Variants in C1orf87 observed in about 807,000 individuals in gnomAD.
The protein encoded by C1orf87 is uncharacterized protein C1orf87.
In C1orf87, 58 loss-of-function variants were observed where a neutral mutation model predicts 60.5. That is an observed-to-expected ratio of 0.96 (90% CI 0.78 to 1.19). The LOEUF is 1.19. C1orf87 is among the 50% of genes most tolerant of loss of function. C1orf87 has a pLI of 0.00. For missense variants in C1orf87, 673 were observed against 638.6 expected (o/e 1.05, Z -0.58); for synonymous variants, 236 against 227.4 (o/e 1.04, Z -0.34).
At chr1:60,003,795 TAA>T (rs1310510299) in intron 9 of C1orf87, among the ~76,000 whole-genome samples, 3 of 152,018 alleles carry the variant, frequency 2.0e-5, no homozygotes, top group Admixed American at 6.6e-5. Context: ...GTTTGAAAAA[TAA>T]AGTCACTAGA....
At chr1:60,032,432 G>GTTTTTTTTTTT (rs11376932) in intron 7 of C1orf87, among the ~76,000 whole-genome samples, 3 of 88,556 alleles carry the variant, frequency 3.4e-5, no homozygotes, top group Non-Finnish European at 6.2e-5. Context: ...TGAGACTCAG[G>GTTTTTTTTTTT]TTTTTTTTTT....
At chr1:60,035,095 A>C (rs538590886) in intron 6 of C1orf87, among the ~76,000 whole-genome samples, 1 of 152,308 alleles carries the variant, frequency 6.6e-6, no homozygotes, top group African/African-American at 2.4e-5. Context: ...TCACCTGTCC[A>C]GGGAGTTCCC....
At chr1:60,018,813 T>C (rs922966403) in intron 8 of C1orf87, among the ~76,000 whole-genome samples, 7 of 152,236 alleles carry the variant, frequency 4.6e-5, no homozygotes. Flanking sequence ...CATATGTTCA[T>C]CGATTGATGT....
At chr1:60,013,456 C>T (rs1244427574) in intron 8 of C1orf87, among the ~76,000 whole-genome samples, 1 of 151,934 alleles carries the variant, frequency 6.6e-6, no homozygotes, top group East Asian at 1.9e-4. Flanking sequence ...CTAGTTTCTT[C>T]TGTTCATGTT....
At chr1:60,070,006 C>T (rs764908867) in intron 2 of C1orf87, among the ~76,000 whole-genome samples, 4 of 152,154 alleles carry the variant, frequency 2.6e-5, no homozygotes, top group Non-Finnish European at 5.9e-5. Flanking sequence ...CAAGGAACTG[C>T]GAGAACAAGG....
chr1:60,005,083 G>A (rs1420261875), intron 9 of C1orf87, among the ~76,000 whole-genome samples: 1 of 151,976 alleles, frequency 6.6e-6, no homozygotes, highest in Non-Finnish European at 1.5e-5. Context: ...AAAGCTTCTG[G>A]CTTCAGTGGG....
At chr1:59,995,590 C>T (rs1644958345) in intron 11 of C1orf87, among the ~76,000 whole-genome samples, 1 of 152,174 alleles carries the variant, frequency 6.6e-6, no homozygotes, top group Non-Finnish European at 1.5e-5. Flanking sequence ...ATGACCTGTC[C>T]AACTGTCCAA....
chr1:60,043,443 G>A (rs530828314), intron 3 of C1orf87, among the ~76,000 whole-genome samples: 11 of 152,112 alleles, frequency 7.2e-5, no homozygotes, highest in Admixed American at 4.6e-4. Context: ...GTACAGTGGC[G>A]CGATCTCGGC....
At chr1:60,049,768 A>C (rs1340185016) in intron 3 of C1orf87, among the ~76,000 whole-genome samples, 1 of 152,094 alleles carries the variant, frequency 6.6e-6, no homozygotes. Flanking sequence ...ATATATCCTA[A>C]TGTACATCTT....
At chr1:60,037,046 A>G (rs779624516) in intron 6 of C1orf87, among the ~76,000 whole-genome samples, 6 of 152,230 alleles carry the variant, frequency 3.9e-5, no homozygotes, top group African/African-American at 7.2e-5. Context: ...AACATATGCA[A>G]TTGCTGCAAA....
intron 8 of C1orf87, among the ~76,000 whole-genome samples, chr1:60,018,772 T>C (rs1645140791): frequency 6.6e-6 from 1 of 152,202 alleles, no homozygotes. Flanking sequence ...GGAAATTCAT[T>C]GACTAAGCTC....
intron 3 of C1orf87, among the ~76,000 whole-genome samples, chr1:60,048,812 T>G (rs928186336): frequency 3.3e-5 from 5 of 151,918 alleles, no homozygotes; most frequent in African/African-American, 7.2e-5. Flanking sequence ...GGTAGAATAA[T>G]CTATATATAT....
At chr1:60,068,951 C>A (rs754061393) in intron 2 of C1orf87, among the ~76,000 whole-genome samples, 1 of 152,130 alleles carries the variant, frequency 6.6e-6, no homozygotes, top group Admixed American at 6.5e-5. Flanking sequence ...TTTAAAGCAA[C>A]TAAGTATTAT....
At chr1:60,008,670 TATA>T (rs1281522663) in intron 9 of C1orf87, 1 of 455,998 alleles carries the variant, frequency 2.2e-6, no homozygotes, top group African/African-American at 2.0e-5. Context: ...GAGCTACTGC[TATA>T]ATGTTTTTCA....
At chr1:60,062,072 T>C (rs992741971) in intron 2 of C1orf87, among the ~76,000 whole-genome samples, 24 of 152,262 alleles carry the variant, frequency 1.6e-4, no homozygotes, top group Admixed American at 5.9e-4. Context: ...TGACCAAAGG[T>C]CACTGCTTTT....
intron 3 of C1orf87, among the ~76,000 whole-genome samples, chr1:60,052,096 T>C (rs1411022031): frequency 1.3e-5 from 2 of 152,216 alleles, no homozygotes; most frequent in Non-Finnish European, 2.9e-5. Flanking sequence ...AAGGCTATTG[T>C]GGAGAAGGAA....
intron 3 of C1orf87, among the ~76,000 whole-genome samples, chr1:60,044,575 T>C (rs1464559516): frequency 6.6e-6 from 1 of 152,094 alleles, no homozygotes; most frequent in Admixed American, 6.6e-5. Context: ...GCTGACAAAC[T>C]AGAGCAACAG....
At chr1:60,071,797 T>C (rs1645586075) in intron 2 of C1orf87, among the ~76,000 whole-genome samples, 1 of 152,220 alleles carries the variant, frequency 6.6e-6, no homozygotes, top group Admixed American at 6.5e-5. Flanking sequence ...TGTATATTTG[T>C]TCAGTCTATG....
At chr1:60,000,742 C>T (rs913004814) in intron 10 of C1orf87, among the ~76,000 whole-genome samples, 5 of 151,994 alleles carry the variant, frequency 3.3e-5, no homozygotes, top group African/African-American at 1.2e-4. Flanking sequence ...CATAATCACT[C>T]TTTATTTTGA....
Sources: gnomAD v4.1 joint callset for allele counts (sites outside exome capture counted in the v4.1 genomes callset) on GRCh38, gnomAD v4.1.1 for gene constraint, MANE v1.5 for transcripts, NCBI Gene and HGNC (gene_info 2026-07-23, HGNC 2026-07-21) for gene names.